The following TRIQK variants were observed in gnomAD, a reference collection of about 807,000 sequenced individuals.
TRIQK encodes triple QxxK/R motif containing.
Under a neutral mutation model 10.8 loss-of-function variants are expected in TRIQK, and 10 were observed. The observed-to-expected ratio is 0.92, with a 90% CI of 0.57 to 1.57. TRIQK has a LOEUF of 1.57. TRIQK is among the 40% of genes most tolerant of loss of function. The pLI is 0.00. For synonymous variants in TRIQK, 33 were observed against 33.7 expected (o/e 0.98, Z 0.07); for missense variants, 107 against 97.7 (o/e 1.09, Z -0.40).
chr8:92,928,228 T>C (rs1810543104), intron 2 of TRIQK, among the ~76,000 whole-genome samples: 1 of 152,268 alleles, frequency 6.6e-6, no homozygotes, highest in East Asian at 1.9e-4. Flanking sequence ...GAATGTGTAG[T>C]ATCTTGAACT....
intron 2 of TRIQK, among the ~76,000 whole-genome samples, chr8:92,951,701 C>T (rs1811916538): frequency 6.6e-6 from 1 of 152,068 alleles, no homozygotes; most frequent in Admixed American, 6.6e-5. Context: ...CACTACAGCA[C>T]TCTGTCATTC....
At chr8:92,992,060 G>A (rs1174834813) in intron 1 of TRIQK, among the ~76,000 whole-genome samples, 1 of 152,120 alleles carries the variant, frequency 6.6e-6, no homozygotes, top group African/African-American at 2.4e-5. Context: ...GCAAGACACT[G>A]TCTCAAAATA....
chr8:93,009,673 G>A (rs1375976080), intron 1 of TRIQK, among the ~76,000 whole-genome samples: 1 of 151,890 alleles, frequency 6.6e-6, no homozygotes, highest in Non-Finnish European at 1.5e-5. Context: ...CCTTACACAG[G>A]CTATTCAGAA....
chr8:93,007,648 C>G (rs533498443), intron 1 of TRIQK, among the ~76,000 whole-genome samples: 6 of 152,178 alleles, frequency 3.9e-5, no homozygotes, highest in Non-Finnish European at 7.4e-5. Context: ...TTTACAGCAG[C>G]TGTTAACCAG....
chr8:92,951,545 A>C (rs1440597411), intron 2 of TRIQK, among the ~76,000 whole-genome samples: 1 of 152,102 alleles, frequency 6.6e-6, no homozygotes, highest in Non-Finnish European at 1.5e-5. Context: ...AGGATGAAAA[A>C]GTCTGAATGA....
chr8:92,988,175 T>TA (rs1054378856), intron 1 of TRIQK, among the ~76,000 whole-genome samples: 5 of 151,396 alleles, frequency 3.3e-5, no homozygotes, highest in African/African-American at 9.7e-5. Context: ...CACGCCCGGC[T>TA]AAATTTTTTT....
chr8:92,943,175 A>T (rs1047657144), intron 2 of TRIQK, among the ~76,000 whole-genome samples: 1 of 152,186 alleles, frequency 6.6e-6, no homozygotes, highest in Non-Finnish European at 1.5e-5. Flanking sequence ...AAAATTGAAG[A>T]CATACATAAA....
chr8:92,970,539 T>A (rs1376066237), upstream of TRIQK, among the ~76,000 whole-genome samples: 1 of 152,236 alleles, frequency 6.6e-6, no homozygotes, highest in Non-Finnish European at 1.5e-5. Context: ...TGTTTGCATT[T>A]CTCTAATGAT....
intron 2 of TRIQK, among the ~76,000 whole-genome samples, chr8:92,924,544 A>G (rs1810348370): frequency 6.6e-6 from 1 of 152,000 alleles, no homozygotes; most frequent in African/African-American, 2.4e-5. Flanking sequence ...AATATTGCAC[A>G]CAAGAGTCAT....
intron 1 of TRIQK, chr8:92,972,793 C>G (rs1415327389): frequency 6.6e-6 from 1 of 152,304 alleles, no homozygotes; most frequent in East Asian, 1.9e-4. Flanking sequence ...TCAGGGCCAG[C>G]TTCACGGTAT....
chr8:93,007,966 A>G (rs573281527), intron 1 of TRIQK, among the ~76,000 whole-genome samples: 65 of 152,366 alleles, frequency 4.3e-4, no homozygotes, highest in African/African-American at 1.5e-3. Flanking sequence ...GGCCATAAAA[A>G]GAAACGAGAC....
At chr8:93,007,714 G>C (rs1004611085) in intron 1 of TRIQK, among the ~76,000 whole-genome samples, 1 of 152,164 alleles carries the variant, frequency 6.6e-6, no homozygotes, top group Non-Finnish European at 1.5e-5. Context: ...AACACAGCAC[G>C]AGAACTTCAC....
At chr8:93,003,399 C>T (rs748526750) in intron 1 of TRIQK, among the ~76,000 whole-genome samples, 13 of 151,934 alleles carry the variant, frequency 8.6e-5, no homozygotes, top group Non-Finnish European at 1.9e-4. Context: ...AGCTCACTCA[C>T]AATCATGAGA....
intron 2 of TRIQK, among the ~76,000 whole-genome samples, chr8:92,931,687 A>C (rs1474225537): frequency 6.6e-6 from 1 of 152,180 alleles, no homozygotes; most frequent in African/African-American, 2.4e-5. Context: ...TCAGAGACCT[A>C]TAATAGGATG....
intron 1 of TRIQK, among the ~76,000 whole-genome samples, chr8:92,990,148 G>T (rs547899061): frequency 6.6e-6 from 1 of 152,184 alleles, no homozygotes; most frequent in African/African-American, 2.4e-5. Flanking sequence ...AATCACCAAA[G>T]AAACAGTATA....
intron 1 of TRIQK, among the ~76,000 whole-genome samples, chr8:92,992,856 C>A (rs1431354267): frequency 6.6e-6 from 1 of 152,190 alleles, no homozygotes; most frequent in African/African-American, 2.4e-5. Flanking sequence ...AATTTGAAGT[C>A]CTAGTGCACT....
intron 1 of TRIQK, among the ~76,000 whole-genome samples, chr8:92,975,779 TTC>T (rs1812925877): frequency 1.3e-5 from 2 of 152,002 alleles, no homozygotes; most frequent in African/African-American, 4.8e-5. Context: ...TTAGAGTATT[TTC>T]TGTCTTTTCT....
intron 2 of TRIQK, among the ~76,000 whole-genome samples, chr8:92,936,506 TATAGAA>T (rs1177364734): frequency 6.6e-6 from 1 of 151,574 alleles, no homozygotes; most frequent in East Asian, 1.9e-4. Context: ...GAATTTAGTA[TATAGAA>T]ATAGAAAAGA....
intron 2 of TRIQK, among the ~76,000 whole-genome samples, chr8:92,944,159 C>T (rs1344600776): frequency 6.6e-6 from 1 of 151,860 alleles, no homozygotes; most frequent in South Asian, 2.1e-4. Context: ...CAAGACAGCA[C>T]CTTACACCTG....
Sources: allele counts gnomAD v4.1 joint callset (sites outside exome capture counted in the v4.1 genomes callset), GRCh38; gene constraint gnomAD v4.1.1; transcripts MANE v1.5; gene names NCBI Gene and HGNC (gene_info 2026-07-23, HGNC 2026-07-21).